N4BP2: variants seen among roughly 807,000 people sequenced by gnomAD.
The protein encoded by N4BP2 is NEDD4 binding protein 2.
N4BP2 carries 91 observed loss-of-function variants against 152.8 expected under a neutral mutation model. The ratio of observed to expected loss-of-function variants is 0.60; its 90% confidence interval spans 0.50 to 0.71. The LOEUF is 0.71. Ranked by LOEUF, N4BP2 falls within the 30% of genes least tolerant of loss-of-function variation. The probability of loss-of-function intolerance (pLI) is 0.00; values close to 1 mark genes in which losing one functional copy is unlikely to be tolerated. For synonymous variants in N4BP2, 646 were observed against 705.3 expected, an observed-to-expected ratio of 0.92 and a Z score of 1.33; for missense variants, 1,923 against 2,059.1, an observed-to-expected ratio of 0.93 and a Z score of 1.28.
chr4:40,123,855 A>T (rs769615765), intron 10 of N4BP2, among the ~76,000 whole-genome samples: 2 of 152,000 alleles, frequency 1.3e-5, no homozygotes, highest in Non-Finnish European at 2.9e-5. Context: ...TTCAATGCTG[A>T]TTGGTTAAAT....
At chr4:40,067,092 C>G (rs1560567872) in intron 1 of N4BP2, among the ~76,000 whole-genome samples, 2 of 123,208 alleles carry the variant, frequency 1.6e-5, no homozygotes, top group Non-Finnish European at 3.2e-5. Context: ...GGGTCTTGCT[C>G]TGTCACCCAG....
intron 8 of N4BP2, among the ~76,000 whole-genome samples, chr4:40,118,389 G>A (rs777720092): frequency 2.6e-5 from 4 of 152,088 alleles, no homozygotes; most frequent in Non-Finnish European, 5.9e-5. Context: ...CCGAGATTGC[G>A]CCATTGCATT....
chr4:40,111,601 G>A (rs1352170939), intron 5 of N4BP2, among the ~76,000 whole-genome samples: 6 of 151,898 alleles, frequency 4.0e-5, no homozygotes, highest in Admixed American at 2.0e-4. Context: ...TTACAGGCAT[G>A]AGCCACCGCG....
chr4:40,072,242 ATTTTTTTTTTT>A (rs34754962), intron 1 of N4BP2, among the ~76,000 whole-genome samples: 2 of 117,558 alleles, frequency 1.7e-5, no homozygotes, highest in African/African-American at 6.6e-5. Context: ...TGCCTGGCTA[ATTTTTTTTTTT>A]TTTTTTTTTT....
At chr4:40,111,165 A>C (rs904187376) in intron 5 of N4BP2, among the ~76,000 whole-genome samples, 2 of 152,178 alleles carry the variant, frequency 1.3e-5, no homozygotes. Context: ...GCTTCTGTAT[A>C]CCCTTCACTC....
Position 40,103,232 on chromosome 4 carries a change from T to C in N4BP2, c.1373+14T>C. ...TTTTTTGGCAAGGTATGAGGTTTGA[T>C]TGGGTTTTTAAAAAATAGTATAATG... On this transcript the variant is annotated intron_variant, in intron 4 of 17. Transcript: ENST00000261435. 6.4e-7 allele frequency: 1 copy of C among 1,572,238 alleles called. No homozygotes were observed. Among genetic ancestry groups the C allele is most frequent in the Non-Finnish European group, 8.6e-7 (1 of 1,163,790 alleles).
At chr4:40,070,581 C>T (rs1712053985) in intron 1 of N4BP2, among the ~76,000 whole-genome samples, 2 of 151,834 alleles carry the variant, frequency 1.3e-5, no homozygotes, top group South Asian at 4.2e-4. Flanking sequence ...CCTGGAGTGG[C>T]TGGGGGCTAC....
chr4:40,090,434 T>A (rs1401139640), intron 2 of N4BP2, among the ~76,000 whole-genome samples: 2 of 152,204 alleles, frequency 1.3e-5, no homozygotes, highest in African/African-American at 4.8e-5. Flanking sequence ...TTCAGCATAT[T>A]AAGTTTTGTA....
intron 2 of N4BP2, among the ~76,000 whole-genome samples, 184 bp from the exon 3 acceptor site, chr4:40,097,043 T>C (rs1386930417): frequency 6.6e-6 from 1 of 152,216 alleles, no homozygotes; most frequent in Admixed American, 6.5e-5. Flanking sequence ...ATTGTTAACA[T>C]CTTAATTTTT....
At position 40,119,923 on chromosome 4, in the gene N4BP2, A is replaced by G. The variant is rs1365235871; in HGVS notation, c.1821-9A>G. ...CTTTCTCATGATACTCTTTAAAATA[A>G]TCTTACAGCCCAAGAGACGATGAAG... On this transcript the variant is annotated splice_polypyrimidine_tract_variant and intron_variant, in intron 8 of 17. Transcript: ENST00000261435. 1.6e-6 allele frequency: 2 copies of G among 1,281,396 alleles called. No individual in the cohort carries two copies. The highest frequency in any genetic ancestry group is 4.6e-5 in the Admixed American group (2 of 43,536). The allele number at this position is 1,281,396 out of a possible 1,614,324, so 79.4% of individuals were successfully genotyped here.
chr4:40,093,438 G>A (rs1026909468), intron 2 of N4BP2, among the ~76,000 whole-genome samples: 1 of 150,988 alleles, frequency 6.6e-6, no homozygotes, highest in African/African-American at 2.4e-5. Context: ...ACAGAGTCTT[G>A]CCGTGTCACC....
At chr4:40,173,529 T>C in the N4BP2 span, among the ~76,000 whole-genome samples, 1 of 152,190 alleles carries the variant, frequency 6.6e-6, no homozygotes, top group Non-Finnish European at 1.5e-5. Context: ...TCATTTTGAC[T>C]GGGGCAGCCA....
In N4BP2 at chr4:40,106,977, T is replaced by C; in HGVS notation, c.1451T>C (p.Phe484Ser). 6.2e-7 allele frequency: 1 copy of C among 1,613,462 alleles called. No individual in the cohort carries two copies. The highest frequency in any genetic ancestry group is 8.5e-7 in the Non-Finnish European group (1 of 1,179,470). Residue 484 changes from phenylalanine to serine, a missense_variant, in exon 5 of 18, where the codon TTT (phenylalanine) becomes TCT (serine). Coordinates refer to ENST00000261435, the MANE Select transcript of N4BP2 (RefSeq NM_018177.6). ...TTTTATATAAATGGACAGTACCAGT[T>C]TGATGTAAAGTACTTAGGAGAAGCA... Reference protein sequence around the residue: ...DYFYINGQYQFDVKYLGEAHE... With the variant: ...DYFYINGQYQSDVKYLGEAHE...
chr4:40,102,820 C>T lies in N4BP2; in HGVS notation c.975C>T (p.Asn325=). ...SDVFLPSEGF[N]FKPHKHPELP... The stretch of plus-strand genomic sequence containing the variant: ...TGTTTCTACCTTCCGAAGGGTTCAA[C>T]TTCAAGCCACACAAACATCCTGAAC... The change falls in exon 4 of 18, where the codon AAC becomes AAT. Residue 325 remains asparagine, a synonymous_variant. Transcript: ENST00000261435. 1 of 1,614,150 alleles carries T rather than the reference C, an allele frequency of 6.2e-7. No homozygotes were observed. The highest frequency in any genetic ancestry group is 2.2e-5 in the East Asian group (1 of 44,888).
chr4:40,176,986 A>G, the N4BP2 span, among the ~76,000 whole-genome samples: 1 of 152,186 alleles, frequency 6.6e-6, no homozygotes, highest in Non-Finnish European at 1.5e-5. Context: ...CTGCAAGCCT[A>G]CATTTTCGTG....
At chr4:40,189,131 C>T in the N4BP2 span, among the ~76,000 whole-genome samples, 2 of 147,672 alleles carry the variant, frequency 1.4e-5, no homozygotes, top group African/African-American at 2.5e-5. The surrounding 1 kb of genome is among the most constrained non-coding windows in gnomAD (Gnocchi z 4.3). Flanking sequence ...GGCGCCAGAG[C>T]GGGACTCTGT....
intron 1 of N4BP2, among the ~76,000 whole-genome samples, chr4:40,070,793 A>G (rs2109896560): frequency 6.6e-6 from 1 of 152,022 alleles, no homozygotes; most frequent in African/African-American, 2.4e-5. Context: ...AGTTGTTCCA[A>G]AAATGTTTTT....
the N4BP2 span, among the ~76,000 whole-genome samples, chr4:40,175,513 G>A: frequency 1.3e-5 from 2 of 152,064 alleles, no homozygotes; most frequent in Non-Finnish European, 2.9e-5. Flanking sequence ...TAATAATAAT[G>A]TATTGTATTC....
chr4:40,120,117 A>C lies in N4BP2; in HGVS notation c.2006A>C (p.Asn669Thr). The C allele has an allele frequency of 6.2e-7, 1 of 1,612,146 alleles. No individual in the cohort carries two copies. Among genetic ancestry groups the C allele is most frequent in the Admixed American group, 1.7e-5 (1 of 59,456 alleles). ...AGAAGAAAAGAAATAAGTGATATGA[A>C]TCCTAGCATTCAAAGTGCTTTAATT... ...NKRRKEISDM[N>T]PSIQSALILE... The change falls in exon 9 of 18, where the codon AAT becomes ACT. Residue 669 changes from asparagine (N) to threonine (T), a missense_variant. Asn to Thr is a moderately conservative substitution (Grantham distance 65, BLOSUM62 0). Coordinates refer to ENST00000261435, the MANE Select transcript of N4BP2 (RefSeq NM_018177.6).
Sources: allele counts gnomAD v4.1 joint callset (sites outside exome capture counted in the v4.1 genomes callset), GRCh38; gene constraint gnomAD v4.1.1; non-coding constraint Gnocchi (gnomAD v3.1); transcripts MANE v1.5; gene names NCBI Gene and HGNC (gene_info 2026-07-23, HGNC 2026-07-21).